The following SLC26A9 variants were observed in gnomAD, a reference collection of about 807,000 sequenced individuals.
SLC26A9 encodes the protein anion transporter/exchanger protein 9.
SLC26A9 carries 46 observed loss-of-function variants against 87.1 expected under a neutral mutation model. The ratio of observed to expected loss-of-function variants is 0.53; its 90% confidence interval spans 0.42 to 0.67. SLC26A9 has a LOEUF of 0.67. Ranked by LOEUF, SLC26A9 falls within the 30% of genes least tolerant of loss-of-function variation. The pLI is 0.00. For synonymous variants in SLC26A9, 437 were observed against 409.1 expected (o/e 1.07, Z -0.82); for missense variants, 927 against 1,018.3 (o/e 0.91, Z 1.22).
At chr1:205,939,236 C>G (rs1659640672) in intron 1 of SLC26A9, among the ~76,000 whole-genome samples, 1 of 152,190 alleles carries the variant, frequency 6.6e-6, no homozygotes, top group African/African-American at 2.4e-5. Context: ...AGAAACTGCA[C>G]TTGATTTAAC....
chr1:205,923,518 G>C, intron 14 of SLC26A9, 26 bp downstream of exon 14: 1 of 1,614,090 alleles, frequency 6.2e-7, no homozygotes, highest in Non-Finnish European at 8.5e-7. Context: ...AGCAAAAGAA[G>C]GAGGTCATAA....
chr1:205,916,332 G>T (rs1658590329), intron 20 of SLC26A9, among the ~76,000 whole-genome samples: 1 of 152,142 alleles, frequency 6.6e-6, no homozygotes, highest in Non-Finnish European at 1.5e-5. Flanking sequence ...CCTGACCTCA[G>T]GTGGTCCGCC....
At chr1:205,928,186 G>A (rs1174442170) in intron 8 of SLC26A9, 137 bp from the exon 9 acceptor site, 2 of 1,031,096 alleles carry the variant, frequency 1.9e-6, no homozygotes, top group African/African-American at 1.6e-5. Context: ...CATCCAGTCT[G>A]AATCCTCAGC....
At chr1:205,932,671 A>G in intron 4 of SLC26A9, 31 bp downstream of exon 4, 1 of 1,513,822 alleles carries the variant, frequency 6.6e-7, no homozygotes, top group Non-Finnish European at 8.8e-7. Context: ...GGTCTGGGTC[A>G]TCCTGCCTGC....
At chr1:205,932,409 C>T (rs1385305005) in intron 4 of SLC26A9, among the ~76,000 whole-genome samples, 1 of 152,222 alleles carries the variant, frequency 6.6e-6, no homozygotes, top group Non-Finnish European at 1.5e-5. Context: ...ATGGTGATTT[C>T]TCACATCTGT....
rs1224231115 is a variant in SLC26A9 at position 205,915,171 on chromosome 1, T to C, written c.*186A>G. 1.9e-6 allele frequency: 3 copies of C among 1,612,042 alleles called. No individual in the cohort carries two copies. The Admixed American group carries it at 5.0e-5, about 27-fold the overall frequency. Reference sequence around the variant, plus strand: ...TGTAAGGGTAGCACCCCCCTGCTGCTGAGAGGCTCTCTCTGGAGATGCGGG... The same window carrying C: ...TGTAAGGGTAGCACCCCCCTGCTGCCGAGAGGCTCTCTCTGGAGATGCGGG... On this transcript the variant is annotated 3_prime_UTR_variant, in exon 21 of 21. Transcript: ENST00000367135.
At position 205,927,971 on chromosome 1, in the gene SLC26A9, G is replaced by C; in HGVS notation, c.1032C>G (p.Ser344Arg). The C allele has an allele frequency of 6.2e-7, 1 of 1,614,212 alleles. No individual in the cohort carries two copies. Among genetic ancestry groups the C allele is most frequent in the East Asian group, 2.2e-5 (1 of 44,884 alleles). ...GGCCCATAGCCAGGTTGATGACGTA[G>C]CTCACGATGGCTAGGGAGAAGGCTG... ...IGTAFSLAIV[S>R]YVINLAMGRT... The change falls in exon 9 of 21, where the codon AGC becomes AGG. Residue 344 changes from serine to arginine, a missense_variant. Transcript: ENST00000367135.
chr1:205,942,457 C>T (rs1558132617), intron 1 of SLC26A9, among the ~76,000 whole-genome samples: 2 of 152,224 alleles, frequency 1.3e-5, no homozygotes, highest in South Asian at 2.1e-4. Flanking sequence ...TGCGTCACTC[C>T]AGGGTCTTCT....
intron 18 of SLC26A9, among the ~76,000 whole-genome samples, chr1:205,919,254 G>A (rs1342617062): frequency 6.6e-6 from 1 of 152,184 alleles, no homozygotes; most frequent in Non-Finnish European, 1.5e-5. Flanking sequence ...GAGTGGAAAA[G>A]CCTAAGCCAT....
At chr1:205,942,567 A>G (rs983106799) in intron 1 of SLC26A9, among the ~76,000 whole-genome samples, 1 of 152,248 alleles carries the variant, frequency 6.6e-6, no homozygotes, top group Admixed American at 6.5e-5. Flanking sequence ...GCTGGTTTTG[A>G]GGAATGGGGG....
At position 205,914,590 on chromosome 1, in the gene SLC26A9, A is replaced by C; in HGVS notation, c.*767T>G. ...GGGTTTCTAGCCAGCCTCCAGGGGA[A>C]GGGAGCAGCCTCTGAGGGCAGTGAT... On this transcript the variant is annotated 3_prime_UTR_variant, in exon 21 of 21. Transcript: ENST00000367135. 3 of 312,048 alleles carry C rather than the reference A, an allele frequency of 9.6e-6. No individual in the cohort carries two copies. The highest frequency in any genetic ancestry group is 6.0e-6 in the Non-Finnish European group (1 of 167,870). The allele number at this position is 312,048 out of a possible 1,614,324, so 19.3% of individuals were successfully genotyped here.
intron 11 of SLC26A9, among the ~76,000 whole-genome samples, chr1:205,926,896 A>G (rs1380691942): frequency 6.6e-6 from 1 of 152,208 alleles, no homozygotes; most frequent in Non-Finnish European, 1.5e-5. Context: ...GCTGGGCTAT[A>G]TAAGAGCCTG....
intron 18 of SLC26A9, 71 bp from the exon 19 acceptor site, chr1:205,919,056 A>G: frequency 1.3e-6 from 2 of 1,589,302 alleles, no homozygotes; most frequent in Non-Finnish European, 1.7e-6. Flanking sequence ...TGGGGAAGAT[A>G]GTGAGACCAG....
chr1:205,928,380 C>G, intron 8 of SLC26A9: 1 of 396,492 alleles, frequency 2.5e-6, no homozygotes, highest in Non-Finnish European at 4.6e-6. Flanking sequence ...GCTATGTGGT[C>G]TTCCCTCCCT....
chr1:205,923,643 G>C, intron 13 of SLC26A9, 30 bp from the exon 14 acceptor site: 1 of 1,613,864 alleles, frequency 6.2e-7, no homozygotes, highest in Non-Finnish European at 8.5e-7. Flanking sequence ...AAAAACATAA[G>C]AGAATGCTAA....
intron 1 of SLC26A9, among the ~76,000 whole-genome samples, chr1:205,942,767 G>A (rs1445723515): frequency 6.6e-6 from 1 of 152,160 alleles, no homozygotes; most frequent in African/African-American, 2.4e-5. Context: ...CTGGTCCCTT[G>A]CTCACCCTCT....
At chr1:205,915,682 C>T (rs1387709236) in intron 20 of SLC26A9, among the ~76,000 whole-genome samples, 1 of 152,110 alleles carries the variant, frequency 6.6e-6, no homozygotes. Context: ...GTGTCCCTCG[C>T]CCCCTAATAG....
intron 8 of SLC26A9, 104 bp from the exon 9 acceptor site, chr1:205,928,153 C>T (rs59822394): frequency 5.1e-5 from 71 of 1,394,154 alleles, no homozygotes; most frequent in Middle Eastern, 2.2e-4. Context: ...CATGGTGTGC[C>T]GGGATCTTTG....
rs1157697462 is a variant in SLC26A9 at position 205,915,190 on chromosome 1, A to G, written c.*167T>C. Reference sequence around the variant, plus strand: ...TGCTGCTGAGAGGCTCTCTCTGGAGATGCGGGGAGGGAAGGAAGGGAGGAG... The same window carrying G: ...TGCTGCTGAGAGGCTCTCTCTGGAGGTGCGGGGAGGGAAGGAAGGGAGGAG... On this transcript the variant is annotated 3_prime_UTR_variant, in exon 21 of 21. Coordinates refer to ENST00000367135, the MANE Select transcript of SLC26A9 (RefSeq NM_052934.4). The G allele has an allele frequency of 6.8e-6, 11 of 1,610,722 alleles. No homozygotes were observed. In the East Asian group the frequency reaches 2.5e-4, roughly 36 times the overall value.
Sources: allele counts gnomAD v4.1 joint callset (sites outside exome capture counted in the v4.1 genomes callset), GRCh38; gene constraint gnomAD v4.1.1; transcripts MANE v1.5; gene names NCBI Gene and HGNC (gene_info 2026-07-23, HGNC 2026-07-21).